Variants in HIBADH observed in about 807,000 individuals in gnomAD.
HIBADH encodes the protein 3-hydroxyisobutyrate dehydrogenase.
In HIBADH, 25 loss-of-function variants were observed where a neutral mutation model predicts 36.1. That is an observed-to-expected ratio of 0.69 (90% CI 0.50 to 0.97). The LOEUF (loss-of-function observed/expected upper bound fraction) is 0.97, where lower values mean the gene tolerates loss of function less well. Ranked by LOEUF, HIBADH falls within the 50% of genes least tolerant of loss-of-function variation. The probability of loss-of-function intolerance (pLI) is 0.00; values close to 1 mark genes in which losing one functional copy is unlikely to be tolerated. For synonymous variants in HIBADH, 160 were observed against 149.5 expected, an observed-to-expected ratio of 1.07 and a Z score of -0.51; for missense variants, 421 against 418.0, an observed-to-expected ratio of 1.01 and a Z score of -0.06.
At chr7:27,640,367 C>T (rs1434636904) in intron 2 of HIBADH, among the ~76,000 whole-genome samples, 2 of 151,936 alleles carry the variant, frequency 1.3e-5, no homozygotes, top group African/African-American at 4.8e-5. Flanking sequence ...CCTGTCTCTA[C>T]AAAAATACAA....
chr7:27,550,311 A>ATAAC, intron 4 of HIBADH, among the ~76,000 whole-genome samples: 1 of 152,204 alleles, frequency 6.6e-6, no homozygotes. Flanking sequence ...GGAGAACTAC[A>ATAAC]TAACTCACTG....
At chr7:27,628,391 T>A (rs965833030) in intron 4 of HIBADH, among the ~76,000 whole-genome samples, 3 of 152,124 alleles carry the variant, frequency 2.0e-5, no homozygotes, top group African/African-American at 7.2e-5. Context: ...TTAATGTAAC[T>A]GGAATAAAAT....
intron 6 of HIBADH, among the ~76,000 whole-genome samples, chr7:27,535,714 GA>G: frequency 6.6e-6 from 1 of 151,616 alleles, no homozygotes; most frequent in South Asian, 2.1e-4. Flanking sequence ...AATAAAAAAG[GA>G]ATCTCAAAAT....
intron 4 of HIBADH, among the ~76,000 whole-genome samples, chr7:27,562,626 G>C (rs973717538): frequency 6.6e-5 from 10 of 152,078 alleles, no homozygotes; most frequent in African/African-American, 2.4e-4. Context: ...TGAGTAGCTG[G>C]GACCACAGGC....
chr7:27,658,676 C>G (rs1167858186), intron 1 of HIBADH, among the ~76,000 whole-genome samples: 1 of 151,862 alleles, frequency 6.6e-6, no homozygotes, highest in Non-Finnish European at 1.5e-5. Context: ...TCTCATTACA[C>G]AAAAATAAAA....
intron 4 of HIBADH, among the ~76,000 whole-genome samples, chr7:27,616,047 C>A (rs1785419738): frequency 6.6e-6 from 1 of 152,182 alleles, no homozygotes; most frequent in African/African-American, 2.4e-5. Flanking sequence ...GCAAGCTACA[C>A]AAGAAGCATG....
In HIBADH at chr7:27,526,076, C is replaced by T; in HGVS notation, c.*138G>A. On this transcript the variant is annotated 3_prime_UTR_variant, in exon 8 of 8. Transcript: ENST00000265395. ...ACAAAAAGAATAAGCGGTGAAAAAT[C>T]CTAGGGATTACTGTGACCTAGACAA... 1.1e-5 allele frequency: 7 copies of T among 636,818 alleles called. No individual in the cohort carries two copies. Among genetic ancestry groups the T allele is most frequent in the Non-Finnish European group, 1.6e-5 (7 of 432,312 alleles). The allele number at this position is 636,818 out of a possible 1,614,324, so 39.4% of individuals were successfully genotyped here.
chr7:27,653,434 CT>C (rs1786235210), intron 1 of HIBADH, among the ~76,000 whole-genome samples: 1 of 152,074 alleles, frequency 6.6e-6, no homozygotes, highest in African/African-American at 2.4e-5. Context: ...GTCCAACAGA[CT>C]ATTAGAAATA....
chr7:27,583,104 A>C (rs1784816691), intron 4 of HIBADH, among the ~76,000 whole-genome samples: 1 of 152,116 alleles, frequency 6.6e-6, no homozygotes, highest in South Asian at 2.1e-4. Flanking sequence ...ATTATTCCAC[A>C]AAACTTTTTT....
chr7:27,568,921 A>AAT (rs371803634), intron 4 of HIBADH, among the ~76,000 whole-genome samples: 7 of 144,304 alleles, frequency 4.9e-5, no homozygotes, highest in Admixed American at 2.1e-4. Context: ...TTTTTTCCAA[A>AAT]TTTTTTTTTT....
chr7:27,656,733 G>A (rs923285484), intron 1 of HIBADH, among the ~76,000 whole-genome samples: 1 of 152,082 alleles, frequency 6.6e-6, no homozygotes, highest in African/African-American at 2.4e-5. Context: ...TGTAACTTTT[G>A]TAACTACTTT....
chr7:27,528,721 T>C (rs1783949438), intron 7 of HIBADH, among the ~76,000 whole-genome samples: 1 of 152,216 alleles, frequency 6.6e-6, no homozygotes, highest in African/African-American at 2.4e-5. Flanking sequence ...CAACTGCTGA[T>C]GGAGAAACTG....
rs112917354 is a variant in HIBADH at position 27,609,259 on chromosome 7, T to C, written c.484+20112A>G. The stretch of plus-strand genomic sequence containing the variant: ...ATCTTGGGCAGTGAGTCACCAGTCT[T>C]CTTTGAATGTGTTAAGAACTTAACA... On this transcript the variant is annotated intron_variant, in intron 4 of 7. Coordinates refer to ENST00000265395, the MANE Select transcript of HIBADH (RefSeq NM_152740.4). Among the ~76,000 whole-genome samples, 480 of 152,288 alleles carry C rather than the reference T, an allele frequency of 3.2e-3. 3 individuals carry two copies. The highest frequency in any genetic ancestry group is 0.011 in the African/African-American group (453 of 41,556).
chr7:27,646,665 C>T (rs978386260), intron 2 of HIBADH, among the ~76,000 whole-genome samples: 2 of 149,206 alleles, frequency 1.3e-5, no homozygotes, highest in African/African-American at 2.5e-5. Flanking sequence ...GCTGGGACTA[C>T]AGGCACACAC....
intron 7 of HIBADH, among the ~76,000 whole-genome samples, chr7:27,526,632 T>C (rs1276234855): frequency 6.6e-6 from 1 of 152,168 alleles, no homozygotes; most frequent in Non-Finnish European, 1.5e-5. Flanking sequence ...TTCCACAGAT[T>C]TGAAGAAAAA....
At chr7:27,562,570 C>A (rs1784483384) in intron 4 of HIBADH, among the ~76,000 whole-genome samples, 1 of 152,186 alleles carries the variant, frequency 6.6e-6, no homozygotes, top group East Asian at 1.9e-4. Flanking sequence ...TGACTTACTG[C>A]AGTCTCAACC....
intron 4 of HIBADH, among the ~76,000 whole-genome samples, chr7:27,617,974 G>A (rs1455352410): frequency 1.3e-5 from 2 of 152,222 alleles, no homozygotes; most frequent in Non-Finnish European, 2.9e-5. Flanking sequence ...CTGAAAGGCA[G>A]TACCTGGGAC....
chr7:27,594,144 G>T (rs1249517883), intron 4 of HIBADH, among the ~76,000 whole-genome samples: 36 of 55,438 alleles, frequency 6.5e-4, no homozygotes, highest in African/African-American at 1.0e-3. Context: ...AGATGTTTTT[G>T]TTTTTTTGTT....
chr7:27,565,528 A>G (rs1784534214), intron 4 of HIBADH, among the ~76,000 whole-genome samples: 1 of 152,216 alleles, frequency 6.6e-6, no homozygotes, highest in Non-Finnish European at 1.5e-5. Flanking sequence ...CTTGTGTTCT[A>G]TGACCTTAGG....
Sources: gnomAD v4.1 joint callset for allele counts (sites outside exome capture counted in the v4.1 genomes callset) on GRCh38, gnomAD v4.1.1 for gene constraint, MANE v1.5 for transcripts, NCBI Gene and HGNC (gene_info 2026-07-23, HGNC 2026-07-21) for gene names.